The following XIAP variants were observed in gnomAD, a reference collection of about 807,000 sequenced individuals.
XIAP encodes the protein X-linked inhibitor of apoptosis.
Under a neutral mutation model 33.1 loss-of-function variants are expected in XIAP, and 3 were observed. That is an observed-to-expected ratio of 0.09 (90% CI 0.04 to 0.23). The LOEUF (loss-of-function observed/expected upper bound fraction) is 0.23. Ranked by LOEUF, XIAP falls within the 10% of genes least tolerant of loss-of-function variation. The pLI, the probability that XIAP is intolerant of heterozygous loss-of-function variation, is 1.00. For synonymous variants in XIAP, 98 were observed against 121.3 expected (o/e 0.81, Z 1.26); for missense variants, 264 against 363.0 (o/e 0.73, Z 2.22).
chrX:123,871,316 G>T (rs1243316991), intron 1 of XIAP, among the ~76,000 whole-genome samples: 1 of 111,361 alleles, frequency 9.0e-6, no homozygotes, highest in African/African-American at 3.3e-5. Context: ...GAAATGTCTA[G>T]GGGTAGGTAT....
At chrX:123,870,573 C>T (rs781769970) in intron 1 of XIAP, among the ~76,000 whole-genome samples, 1 of 111,588 alleles carries the variant, frequency 9.0e-6, no homozygotes, top group African/African-American at 3.2e-5. Flanking sequence ...GGGCTCTTAT[C>T]CATAACTTGT....
At chrX:123,890,758 A>G (rs1481126199) in intron 3 of XIAP, among the ~76,000 whole-genome samples, 2 of 110,063 alleles carry the variant, frequency 1.8e-5, no homozygotes, top group African/African-American at 6.6e-5. Flanking sequence ...CCTGACCAAC[A>G]TGGTGAAACC....
rs187106687 is a variant in XIAP, at chrX:123,894,214, T to C, written c.1099+1441T>C. On this transcript the variant is annotated intron_variant, in intron 5 of 6. Transcript: ENST00000371199. ...CTCAAAAAGTGGGCAGAGAAAGATA[T>C]TATGCTAAGCAAGGAAGGTAATTGT... Among the ~76,000 whole-genome samples the C allele has an allele frequency of 7.9e-4, 89 of 112,316 alleles. 1 individual carries two copies. The highest frequency in any genetic ancestry group is 2.7e-3 in the African/African-American group (82 of 30,912).
chrX:123,895,848 G>A (rs1216939827), intron 5 of XIAP, among the ~76,000 whole-genome samples: 2 of 104,221 alleles, frequency 1.9e-5, no homozygotes, highest in African/African-American at 3.6e-5. Context: ...TGCAACCTCC[G>A]CCTCCTGGGT....
At position 123,909,876 on chromosome X, in the gene XIAP, A is replaced by G. The variant is rs1445713501; in HGVS notation, c.*2695A>G. On this transcript the variant is annotated 3_prime_UTR_variant, in exon 7 of 7. Coordinates refer to ENST00000371199, the MANE Select transcript of XIAP (RefSeq NM_001167.4). ...CTTAACAGCATTTGTCTGTGTTTGA[A>G]CTATAAAAAGCACCGGATCTTTTCC... The G allele has an allele frequency of 3.0e-6, 1 of 329,778 alleles. No individual in the cohort carries two copies. Among genetic ancestry groups the G allele is most frequent in the East Asian group, 9.7e-5 (1 of 10,346 alleles). The allele number at this position is 329,778 out of a possible 1,213,427, so 27.2% of individuals were successfully genotyped here.
chrX:123,866,492 T>TTGATATATAATATATGATATATCATATA (rs201688902), intron 1 of XIAP, among the ~76,000 whole-genome samples: 4 of 100,078 alleles, frequency 4.0e-5, no homozygotes, highest in African/African-American at 1.4e-4. Context: ...TTATATATGA[T>TTGATATATAATATATGATATATCATATA]TAATATATAA....
chrX:123,905,380 C>G (rs942935914), intron 6 of XIAP, among the ~76,000 whole-genome samples: 1 of 111,697 alleles, frequency 9.0e-6, no homozygotes, highest in Non-Finnish European at 1.9e-5. Flanking sequence ...GCCTAAAACA[C>G]TTTTCTCCCA....
chrX:123,877,840 G>A (rs988264727), intron 1 of XIAP, among the ~76,000 whole-genome samples: 4 of 110,725 alleles, frequency 3.6e-5, no homozygotes, highest in African/African-American at 6.6e-5. Context: ...CGGGCGTGGT[G>A]GCGGGCGCCT....
At chrX:123,889,470 T>C (rs1270784260) in intron 3 of XIAP, among the ~76,000 whole-genome samples, 2 of 110,171 alleles carry the variant, frequency 1.8e-5, no homozygotes, top group Non-Finnish European at 3.8e-5. Flanking sequence ...CCTCCCAAAG[T>C]GTTGGCATTA....
At chrX:123,860,880 G>T (rs1426512135) in intron 1 of XIAP, among the ~76,000 whole-genome samples, 2 of 111,534 alleles carry the variant, frequency 1.8e-5, no homozygotes, top group Non-Finnish European at 3.8e-5. Context: ...CTTCGAAAAA[G>T]GAACAACGTC....
chrX:123,913,492 A>G lies in XIAP; in HGVS notation c.*6311A>G, dbSNP rs1472021356. On this transcript the variant is annotated 3_prime_UTR_variant, in exon 7 of 7. Transcript: ENST00000371199. ...CTCAAAAACAAAACAAAACAAAAAAATTAGACAAATGCTACATTAATGTTT... is the reference window on the plus strand; with the variant it reads ...CTCAAAAACAAAACAAAACAAAAAAGTTAGACAAATGCTACATTAATGTTT... The G allele has an allele frequency of 1.5e-5, 5 of 327,730 alleles. No individual in the cohort carries two copies. In the Admixed American group the frequency reaches 1.6e-4, roughly 10 times the overall value. 27.0% of individuals were successfully genotyped at this position (327,730 alleles called of 1,213,427 possible).
chrX:123,869,279 C>T lies in XIAP; in HGVS notation c.-33+8986C>T, dbSNP rs772594365. ...CCTGAAATCCCAGCACTTTGGGTGG[C>T]CGAGGCAGGTGGATCACTTGAGGTC... On this transcript the variant is annotated intron_variant, in intron 1 of 6. Transcript: ENST00000371199. Among the ~76,000 whole-genome samples, 54 of 103,316 alleles carry T rather than the reference C, an allele frequency of 5.2e-4. 1 individual carries two copies. The South Asian group carries it at 0.023, about 44-fold the overall frequency. The allele number at this position is 103,316 out of a possible 115,157, so 89.7% of individuals were successfully genotyped here.
chrX:123,890,895 C>G (rs765093231), intron 3 of XIAP, among the ~76,000 whole-genome samples: 21 of 102,704 alleles, frequency 2.0e-4, no homozygotes, highest in Non-Finnish European at 2.6e-4. Context: ...AAGCCAAGAT[C>G]GTGCCACTGC....
chrX:123,862,624 G>A (rs2053091314), intron 1 of XIAP, among the ~76,000 whole-genome samples: 1 of 82,150 alleles, frequency 1.2e-5, no homozygotes, highest in African/African-American at 5.0e-5. Context: ...ACTTTGGGAC[G>A]CCAAGGCGGG....
chrX:123,877,576 A>G (rs1369880418), intron 1 of XIAP, among the ~76,000 whole-genome samples: 2 of 112,185 alleles, frequency 1.8e-5, no homozygotes, highest in Non-Finnish European at 3.8e-5. Flanking sequence ...GTGATTTGTT[A>G]CAATTAGCAA....
intron 3 of XIAP, among the ~76,000 whole-genome samples, chrX:123,888,935 T>G (rs1487960596): frequency 1.8e-5 from 2 of 111,574 alleles, no homozygotes; most frequent in Non-Finnish European, 3.8e-5. Flanking sequence ...CTTTTTTTTT[T>G]TGAGACGAAG....
chrX:123,899,718 G>GT (rs34067902), intron 5 of XIAP, among the ~76,000 whole-genome samples: 126 of 100,486 alleles, frequency 1.3e-3, no homozygotes, highest in Admixed American at 1.4e-3. Context: ...TGTGGCAATA[G>GT]TTTTTTTTTT....
chrX:123,874,531 T>C (rs750898724), intron 1 of XIAP: 7 of 111,298 alleles, frequency 6.3e-5, no homozygotes, highest in Non-Finnish European at 1.3e-4. Flanking sequence ...CTGTATAATA[T>C]ATGCATGTTT....
chrX:123,860,083 C>CCGG lies in XIAP; in HGVS notation c.-243_-242insCGG. 3.0e-6 allele frequency: 1 copy of CCGG among 329,720 alleles called. No homozygotes were observed. The highest frequency in any genetic ancestry group is 5.9e-6 in the Non-Finnish European group (1 of 169,986). 27.2% of individuals were successfully genotyped at this position (329,720 alleles called of 1,213,427 possible). A position where few individuals can be genotyped will look rare whatever the true frequency, so the allele number is the denominator to read the frequency against. On this transcript the variant is annotated 5_prime_UTR_variant, in exon 1 of 7. Transcript: ENST00000371199. ...CCTGACGTGGACACACTTCGGGTTT[C>CCGG]ACGACTCCGGGTTTCTCCAGGGGAT...
Sources: gnomAD v4.1 joint callset for allele counts (sites outside exome capture counted in the v4.1 genomes callset) on GRCh38, gnomAD v4.1.1 for gene constraint, MANE v1.5 for transcripts, NCBI Gene and HGNC (gene_info 2026-07-23, HGNC 2026-07-21) for gene names.